SCNN1A: variants seen among roughly 807,000 people sequenced by gnomAD.
SCNN1A encodes sodium channel epithelial 1 subunit alpha, also known as epithelial sodium channel subunit alpha.
In SCNN1A, 65 loss-of-function variants were observed where a neutral mutation model predicts 68.6. That is an observed-to-expected ratio of 0.95 (90% CI 0.78 to 1.16). The LOEUF is 1.16. SCNN1A is among the 50% of genes most tolerant of loss of function. The probability of loss-of-function intolerance (pLI) is 0.00; values close to 1 mark genes in which losing one functional copy is unlikely to be tolerated. For synonymous variants in SCNN1A, 357 were observed against 353.3 expected (o/e 1.01, Z -0.12); for missense variants, 880 against 865.9 (o/e 1.02, Z -0.20).
rs1381917874 is a variant in SCNN1A at position 6,349,019 on chromosome 12, G to A, written c.1498-14C>T. ...GAAGACCCATTCCTAGGAAAGAATG[G>A]GGGTGTCATCAAGGTCACTCCCATA... is the stretch of plus-strand genomic sequence containing the variant. On this transcript the variant is annotated splice_polypyrimidine_tract_variant and intron_variant, in intron 10 of 12. Coordinates refer to ENST00000228916, the MANE Select transcript of SCNN1A (RefSeq NM_001038.6). 1 of 1,613,882 alleles carries A rather than the reference G, an allele frequency of 6.2e-7. No individual in the cohort carries two copies. The highest frequency in any genetic ancestry group is 1.1e-5 in the South Asian group (1 of 91,086).
At chr12:6,370,323 T>C (rs1948767030) in intron 2 of SCNN1A, among the ~76,000 whole-genome samples, 1 of 152,168 alleles carries the variant, frequency 6.6e-6, no homozygotes, top group African/African-American at 2.4e-5. Context: ...GCCTCCCAGC[T>C]CTGAAGCATC....
At chr12:6,349,118 T>A (rs915633472) in intron 10 of SCNN1A, 46 bp downstream of exon 10, 35 of 1,605,518 alleles carry the variant, frequency 2.2e-5, no homozygotes, top group Non-Finnish European at 2.9e-5. Flanking sequence ...GCCACAGCAT[T>A]ACATGGGCAC....
At chr12:6,354,989 C>T (rs1394100989) in intron 6 of SCNN1A, 141 bp from the exon 7 acceptor site, 21 of 793,396 alleles carry the variant, frequency 2.6e-5, no homozygotes, top group African/African-American at 1.9e-4. Context: ...CTTCCAGCCA[C>T]CCCCATGCCC....
In SCNN1A at chr12:6,347,928, G is replaced by T; in HGVS notation, c.1955C>A (p.Ser652Tyr). ...ACTGGCCCCTGCAGAGCCCCCTGGA[G>T]ATGGGCGGGGGCCCAGGGTGGCATA... is the stretch of plus-strand genomic sequence containing the variant. ...PAYATLGPRP[S>Y]PGGSAGASSS... is the part of the protein sequence containing the mutation. The change falls in exon 13 of 13, where the codon TCT becomes TAT. Residue 652 changes from serine (S) to tyrosine (Y), a missense_variant. Physicochemically the swap from Ser to Tyr is moderately radical, Grantham distance 144. This residue lies in a region of SCNN1A where 758 missense variants were observed against 721.8 expected (regional missense o/e 1.05). Transcript: ENST00000228916. 1 of 1,588,112 alleles carries T rather than the reference G, an allele frequency of 6.3e-7. No individual in the cohort carries two copies. The highest frequency in any genetic ancestry group is 1.1e-5 in the South Asian group (1 of 88,168).
At chr12:6,375,961 G>T, upstream of SCNN1A, 1 of 1,036,768 alleles carries the variant, frequency 9.6e-7, no homozygotes, top group Non-Finnish European at 1.2e-6. Flanking sequence ...AGTGAGTAGA[G>T]GCAGGTGGGG....
chr12:6,355,627 C>G, intron 5 of SCNN1A, 150 bp downstream of exon 5: 1 of 887,688 alleles, frequency 1.1e-6, no homozygotes, highest in South Asian at 1.4e-5. Context: ...GGACGGGATT[C>G]CTCTCATGCC....
At chr12:6,375,339 C>T in intron 1 of SCNN1A, 166 bp downstream of exon 1, 4 of 1,442,096 alleles carry the variant, frequency 2.8e-6, no homozygotes, top group South Asian at 1.5e-5. Context: ...TCAGCTCCAG[C>T]CTCTGGCCCT....
intron 2 of SCNN1A, among the ~76,000 whole-genome samples, chr12:6,368,572 G>A (rs898192637): frequency 5.3e-5 from 8 of 152,222 alleles, no homozygotes; most frequent in African/African-American, 1.4e-4. Context: ...ACAGTATACC[G>A]TTAGCCACTG....
intron 1 of SCNN1A, chr12:6,375,297 C>T (rs998349043): frequency 4.2e-6 from 6 of 1,438,574 alleles, no homozygotes; most frequent in Non-Finnish European, 3.6e-6. Flanking sequence ...TTCCTCTCCC[C>T]CCCTTGCCTT....
At chr12:6,365,856 T>C (rs1260361785) in intron 2 of SCNN1A, among the ~76,000 whole-genome samples, 10 of 152,120 alleles carry the variant, frequency 6.6e-5, no homozygotes, top group Non-Finnish European at 1.5e-5. Context: ...AGGCACTTTA[T>C]GAACAGACCT....
Position 6,362,124 on chromosome 12 carries a change from G to A in SCNN1A, c.802C>T (p.Pro268Ser). The A allele has an allele frequency of 7.4e-6, 12 of 1,614,204 alleles. No individual in the cohort carries two copies. The highest frequency in any genetic ancestry group is 1.0e-5 in the Non-Finnish European group (12 of 1,179,992). The change falls in exon 4 of 13, where the codon CCA (proline) becomes TCA (serine). Residue 268 changes from proline to serine, a missense_variant. Physicochemically the swap from Pro to Ser is moderately conservative, Grantham distance 74. Coordinates refer to ENST00000228916, the MANE Select transcript of SCNN1A (RefSeq NM_001038.6). Reference protein sequence around the residue: ...NILSRLPETLPSLEEDTLGNF... With the variant: ...NILSRLPETLSSLEEDTLGNF... Reference sequence around the variant, plus strand: ...CCCAGCGTGTCCTCCTCCAGGGATGGCAGAGTCTCTGGCAGCCTCGACAGG... The same window carrying A: ...CCCAGCGTGTCCTCCTCCAGGGATGACAGAGTCTCTGGCAGCCTCGACAGG...
At position 6,348,980 on chromosome 12, in the gene SCNN1A, C is replaced by T. The variant is rs763359949; in HGVS notation, c.1523G>A (p.Arg508Gln). 45 of 1,613,866 alleles carry T rather than the reference C, an allele frequency of 2.8e-5. 1 individual carries two copies. In the Admixed American group the frequency reaches 4.8e-4, roughly 17 times the overall value. ...GTTGTTGACGGTGTAATTGTTCTGT[C>T]GCGATAGCATCTGGAAGACCCATTC... ...SQEWVFQMLSRQNNYTVNNKR... is the reference protein window; with the variant it reads ...SQEWVFQMLSQQNNYTVNNKR... Residue 508 changes from arginine (R) to glutamine (Q), a missense_variant, in exon 11 of 13, where the codon CGA becomes CAA. Physicochemically the swap from Arg to Gln is conservative, Grantham distance 43. Coordinates refer to ENST00000228916, the MANE Select transcript of SCNN1A (RefSeq NM_001038.6).
At chr12:6,363,921 A>C in intron 2 of SCNN1A, 9 of 403,226 alleles carry the variant, frequency 2.2e-5, no homozygotes, top group East Asian at 4.4e-5. Context: ...CGGCGAGCCC[A>C]GCCGGGACAC....
intron 5 of SCNN1A, 59 bp from the exon 6 acceptor site, chr12:6,355,494 G>T: frequency 6.3e-7 from 1 of 1,578,638 alleles, no homozygotes; most frequent in Non-Finnish European, 8.7e-7. Context: ...AGAGTTAGGA[G>T]ATGGAAATCC....
At position 6,347,946 on chromosome 12, in the gene SCNN1A, GT is replaced by G; in HGVS notation, c.1936del (p.Thr646ProfsTer49). 1 of 1,576,834 alleles carries G rather than the reference GT, an allele frequency of 6.3e-7. No individual in the cohort carries two copies. The highest frequency in any genetic ancestry group is 8.6e-7 in the Non-Finnish European group (1 of 1,158,698). ...ALTAPPPAYA[T>X]LGPRPSPGGS... Reference sequence around the variant, plus strand: ...CCCTGGAGATGGGCGGGGGCCCAGGGTGGCATAGGCAGGGGGAGGGGCTGTC... The same window carrying G: ...CCCTGGAGATGGGCGGGGGCCCAGGGGGCATAGGCAGGGGGAGGGGCTGTC... On this transcript the variant is annotated frameshift_variant, in exon 13 of 13. Transcript: ENST00000228916. LOFTEE classifies it low-confidence loss of function (END_TRUNC).
rs1365013429 is a variant in SCNN1A, at chr12:6,347,645, A to T, written c.*228T>A. On this transcript the variant is annotated 3_prime_UTR_variant, in exon 13 of 13. Coordinates refer to ENST00000228916, the MANE Select transcript of SCNN1A (RefSeq NM_001038.6). ...TGGGGAAACCAGAGTGTTCAGAGGC[A>T]GTACCAAGGGGTACAGGGCTGGAGC... 1.7e-6 allele frequency: 1 copy of T among 585,706 alleles called. No individual in the cohort carries two copies. Among genetic ancestry groups the T allele is most frequent in the Non-Finnish European group, 3.1e-6 (1 of 327,494 alleles). The allele number at this position is 585,706 out of a possible 1,614,324, so 36.3% of individuals were successfully genotyped here. A position where few individuals can be genotyped will look rare whatever the true frequency, so the allele number is the denominator to read the frequency against.
Position 6,355,260 on chromosome 12 carries a change from C to G in SCNN1A, c.1143+12G>C. On this transcript the variant is annotated intron_variant, in intron 6 of 12. Coordinates refer to ENST00000228916, the MANE Select transcript of SCNN1A (RefSeq NM_001038.6). Reference sequence around the variant, plus strand: ...AGGCGCTCCTTCCAGGCCTCCCAGTCAGCATCCTTGCCTTCCTCATGCTGA... The same window carrying G: ...AGGCGCTCCTTCCAGGCCTCCCAGTGAGCATCCTTGCCTTCCTCATGCTGA... 1 of 1,610,856 alleles carries G rather than the reference C, an allele frequency of 6.2e-7. No homozygotes were observed. The highest frequency in any genetic ancestry group is 1.1e-5 in the South Asian group (1 of 90,366).
chr12:6,358,957 T>C (rs1209897636), intron 4 of SCNN1A, among the ~76,000 whole-genome samples: 5 of 152,032 alleles, frequency 3.3e-5, no homozygotes, highest in African/African-American at 4.8e-5. Flanking sequence ...TGGATAAGCT[T>C]TGAAAACGTT....
At chr12:6,354,344 G>A in intron 8 of SCNN1A, 94 bp downstream of exon 8, 1 of 827,306 alleles carries the variant, frequency 1.2e-6, no homozygotes, top group Non-Finnish European at 2.1e-6. Flanking sequence ...GTGGGAGCCA[G>A]AAGTCATCCC....
Sources: gnomAD v4.1 joint callset for allele counts (sites outside exome capture counted in the v4.1 genomes callset) on GRCh38, gnomAD v4.1.1 for gene constraint, gnomAD v4.1.1 regional missense constraint, MANE v1.5 for transcripts, NCBI Gene and HGNC (gene_info 2026-07-23, HGNC 2026-07-21) for gene names.